The following MCF2L variants were observed in gnomAD, a reference collection of about 807,000 sequenced individuals.
The protein encoded by MCF2L is MCF.2 cell line derived transforming sequence like.
A neutral mutation model predicts 153.4 loss-of-function variants in MCF2L; 97 were observed. The ratio of observed to expected loss-of-function variants is 0.63; its 90% CI spans 0.54 to 0.75. The LOEUF (loss-of-function observed/expected upper bound fraction) is 0.75. Among genes scored for constraint, MCF2L ranks in the 30% least tolerant of loss-of-function variants. The pLI is 0.00. For synonymous variants in MCF2L, 659 were observed against 632.2 expected, an observed-to-expected ratio of 1.04 and a Z score of -0.64; for missense variants, 1,347 against 1,495.2, an observed-to-expected ratio of 0.90 and a Z score of 1.64.
At chr13:113,057,018 GCTGAGTGGGCA>G (rs1181651965) in intron 4 of MCF2L, among the ~76,000 whole-genome samples, 1 of 142,592 alleles carries the variant, frequency 7.0e-6, no homozygotes, top group Non-Finnish European at 1.5e-5. Context: ...GTGTTTGGGT[GCTGAGTGGGCA>G]CTGAGTGGGC....
chr13:113,057,183 CTG>C (rs1448715723), intron 4 of MCF2L, among the ~76,000 whole-genome samples: 1 of 127,604 alleles, frequency 7.8e-6, no homozygotes, highest in Non-Finnish European at 1.6e-5. Context: ...TGAGTAGGTG[CTG>C]TGTGTTTTGG....
At chr13:112,949,028 C>T (rs2081665128) in intron 2 of MCF2L, among the ~76,000 whole-genome samples, 1 of 152,240 alleles carries the variant, frequency 6.6e-6, no homozygotes, top group Non-Finnish European at 1.5e-5. Context: ...TGCTACTGCA[C>T]TCCCACCTGG....
intron 2 of MCF2L, among the ~76,000 whole-genome samples, chr13:112,962,972 C>G (rs2081850631): frequency 6.6e-6 from 1 of 152,230 alleles, no homozygotes; most frequent in African/African-American, 2.4e-5. Flanking sequence ...TGTGCTTCCC[C>G]TCTCTGAGCA....
In MCF2L at chr13:112,904,855, CAGTT is replaced by C. The variant is rs1390599049; in HGVS notation, c.169+2485_169+2488del. ...ATGTCCTAGCCCAGCTGGCTGGAGA[CAGTT>C]GGTGGTGATGAAACCTGTTTGTATC... On this transcript the variant is annotated intron_variant, in intron 2 of 29. Transcript: ENST00000375608. This position sits in a 1 kb window ranked among gnomAD's most constrained non-coding sequence, Gnocchi z 4.2. Among the ~76,000 whole-genome samples, 1 of 152,230 alleles carries C rather than the reference CAGTT, an allele frequency of 6.6e-6. No homozygotes were observed. Among genetic ancestry groups the C allele is most frequent in the Non-Finnish European group, 1.5e-5 (1 of 68,046 alleles).
intron 27 of MCF2L, chr13:113,095,546 G>A (rs1427129176): frequency 9.8e-7 from 1 of 1,025,380 alleles, no homozygotes; most frequent in Non-Finnish European, 1.2e-6. Context: ...CACCACAGAG[G>A]CAGGAGCCAG....
At chr13:112,968,462 A>C, upstream of MCF2L, 8 of 1,589,578 alleles carry the variant, frequency 5.0e-6, no homozygotes, top group Non-Finnish European at 6.8e-6. Flanking sequence ...CTTGGTGCCA[A>C]CCATGGCGAG....
At chr13:113,019,222 C>T (rs2084724624) in intron 2 of MCF2L, among the ~76,000 whole-genome samples, 1 of 152,226 alleles carries the variant, frequency 6.6e-6, no homozygotes, top group African/African-American at 2.4e-5. Flanking sequence ...AGCTGCAGGG[C>T]TCCAGCATGG....
intron 26 of MCF2L, among the ~76,000 whole-genome samples, chr13:113,092,372 G>A (rs2035290596): frequency 6.6e-6 from 1 of 151,902 alleles, no homozygotes; most frequent in African/African-American, 2.4e-5. Flanking sequence ...TGGTCAGTGT[G>A]GTGTCAGAGC....
chr13:113,048,260 T>G (rs7329562), intron 4 of MCF2L, among the ~76,000 whole-genome samples: 80,152 of 151,884 alleles, frequency 0.53, 21,401 homozygotes, highest in African/African-American at 0.58. Flanking sequence ...GTTAGTGTTT[T>G]AGTTTTTATT....
At chr13:113,032,870 T>C (rs1293509164) in intron 3 of MCF2L, among the ~76,000 whole-genome samples, 2 of 152,252 alleles carry the variant, frequency 1.3e-5, no homozygotes, top group African/African-American at 2.4e-5. Flanking sequence ...TGCCCGCCTG[T>C]GCCTTCCTTT....
At position 113,099,600 on chromosome 13, in the gene MCF2L, A is replaced by G. The variant is rs773414814; in HGVS notation, c.*2741A>G. The G allele has an allele frequency of 3.3e-5, 5 of 152,216 alleles. No individual in the cohort carries two copies. The highest frequency in any genetic ancestry group is 7.3e-5 in the Non-Finnish European group (5 of 68,040). The allele number at this position is 152,216 out of a possible 1,614,324, so 9.4% of individuals were successfully genotyped here. ...AGAAAGTATTTAAATACTTCTGTCA[A>G]TTAGGACAGTTGAGAAAAGAGAATA... is the stretch of plus-strand genomic sequence containing the variant. On this transcript the variant is annotated 3_prime_UTR_variant, in exon 30 of 30. Transcript: ENST00000535094.
chr13:112,905,106 C>T (rs759069769), intron 2 of MCF2L, among the ~76,000 whole-genome samples: 14 of 152,298 alleles, frequency 9.2e-5, no homozygotes, highest in Non-Finnish European at 1.3e-4. Flanking sequence ...AATAAGAACT[C>T]GGAGTTGCAA....
chr13:112,970,245 A>G (rs182875933), intron 1 of MCF2L, among the ~76,000 whole-genome samples: 21 of 152,324 alleles, frequency 1.4e-4, no homozygotes, highest in African/African-American at 4.6e-4. Context: ...ATGTTATGTC[A>G]TATATGCCAT....
chr13:113,078,189 G>A (rs2033706787), intron 13 of MCF2L, among the ~76,000 whole-genome samples, 174 bp from the exon 14 acceptor site: 1 of 151,024 alleles, frequency 6.6e-6, no homozygotes. Context: ...CAGAGGCCAA[G>A]TCCTGCCCAT....
chr13:112,970,553 G>A (rs191475722), intron 1 of MCF2L, among the ~76,000 whole-genome samples: 4 of 152,224 alleles, frequency 2.6e-5, no homozygotes, highest in Admixed American at 6.5e-5. Context: ...GAGCTTTTCC[G>A]TGCAGGGTTT....
At chr13:113,089,486 G>A (rs2034989821) in intron 25 of MCF2L, 124 bp from the exon 26 acceptor site, 2 of 698,854 alleles carry the variant, frequency 2.9e-6, no homozygotes, top group Admixed American at 4.6e-5. Context: ...ACACGTGCAG[G>A]AGATGCTGCT....
chr13:112,895,293 C>T (rs2081056084), intron 1 of MCF2L, among the ~76,000 whole-genome samples: 1 of 152,152 alleles, frequency 6.6e-6, no homozygotes, highest in African/African-American at 2.4e-5. Flanking sequence ...AGAGCCGGGA[C>T]CCCGAAGGGG....
At chr13:113,091,008 C>T in intron 26 of MCF2L, 1 of 1,266,044 alleles carries the variant, frequency 7.9e-7, no homozygotes, top group Non-Finnish European at 1.0e-6. Flanking sequence ...TGGAAAGGGG[C>T]CACAACGTCG....
chr13:113,089,986 T>C, intron 26 of MCF2L: 1 of 1,602,482 alleles, frequency 6.2e-7, no homozygotes, highest in Non-Finnish European at 8.5e-7. Flanking sequence ...GGAGCCGCCT[T>C]GGGCCCTCCC....
Sources: allele counts gnomAD v4.1 joint callset (sites outside exome capture counted in the v4.1 genomes callset), GRCh38; gene constraint gnomAD v4.1.1; non-coding constraint Gnocchi (gnomAD v3.1); transcripts MANE v1.5; gene names NCBI Gene and HGNC (gene_info 2026-07-23, HGNC 2026-07-21).